The following KIAA0513 variants were observed in gnomAD, a reference collection of about 807,000 sequenced individuals.
The protein encoded by KIAA0513 is KIAA0513.
Under a neutral mutation model 56.5 loss-of-function variants are expected in KIAA0513, and 39 were observed. The observed-to-expected ratio is 0.69, with a 90% CI of 0.53 to 0.90. The LOEUF is 0.90. Among genes scored for constraint, KIAA0513 ranks in the 40% least tolerant of loss-of-function variants. KIAA0513 has a pLI of 0.00. For synonymous variants in KIAA0513, 268 were observed against 215.6 expected (o/e 1.24, Z -2.13); for missense variants, 591 against 535.2 (o/e 1.10, Z -1.03).
intron 1 of KIAA0513, among the ~76,000 whole-genome samples, chr16:85,044,123 A>G (rs980308738): frequency 1.4e-4 from 21 of 152,220 alleles, no homozygotes; most frequent in Admixed American, 7.9e-4. Flanking sequence ...AAACCTCAAT[A>G]GGACAGAAAG....
chr16:85,068,700 C>T (rs2073527069), intron 2 of KIAA0513, among the ~76,000 whole-genome samples: 1 of 152,194 alleles, frequency 6.6e-6, no homozygotes, highest in South Asian at 2.1e-4. Context: ...CTCCTGACTT[C>T]AGGTGATCCG....
intron 1 of KIAA0513, among the ~76,000 whole-genome samples, chr16:85,048,397 G>C (rs1597601792): frequency 6.6e-6 from 1 of 152,216 alleles, no homozygotes; most frequent in Non-Finnish European, 1.5e-5. Context: ...GATATCAAGT[G>C]TCTGTATCCA....
intron 2 of KIAA0513, among the ~76,000 whole-genome samples, chr16:85,070,001 CAA>C (rs111746946): frequency 2.8e-5 from 4 of 143,228 alleles, no homozygotes; most frequent in Admixed American, 1.4e-4. Context: ...CCCCTCTCTA[CAA>C]AAAAAAAAAC....
chr16:85,041,296 C>T (rs566178486), intron 1 of KIAA0513, among the ~76,000 whole-genome samples: 1 of 152,112 alleles, frequency 6.6e-6, no homozygotes, highest in Admixed American at 6.5e-5. Context: ...TTCCTCTGTC[C>T]GGAATATCTT....
At chr16:85,031,958 A>G (rs776665216) in intron 1 of KIAA0513, among the ~76,000 whole-genome samples, 36 of 152,344 alleles carry the variant, frequency 2.4e-4, no homozygotes, top group Non-Finnish European at 4.7e-4. Flanking sequence ...GGCACTAGAC[A>G]GACAGTAATG....
In KIAA0513 at chr16:85,067,367, T is replaced by C; in HGVS notation, c.296T>C (p.Met99Thr). ...GAGACCCTGGCACTCAGGGACTTCA[T>C]GCGTGGCTACGTGGAGAAGATCTTC... ...DEETLALRDF[M>T]RGYVEKIFSG... Residue 99 changes from methionine (M) to threonine (T), a missense_variant, in exon 2 of 13, where the codon ATG (methionine) becomes ACG (threonine). Physicochemically the swap from Met to Thr is moderately conservative, Grantham distance 81. Coordinates refer to ENST00000683363, the MANE Select transcript of KIAA0513 (RefSeq NM_001388359.1). The C allele has an allele frequency of 1.2e-6, 2 of 1,607,152 alleles. No homozygotes were observed. The highest frequency in any genetic ancestry group is 1.7e-6 in the Non-Finnish European group (2 of 1,179,910).
At chr16:85,038,039 C>T (rs533779962) in intron 1 of KIAA0513, among the ~76,000 whole-genome samples, 5 of 152,330 alleles carry the variant, frequency 3.3e-5, no homozygotes, top group Admixed American at 3.3e-4. Flanking sequence ...CCTCTAGTTG[C>T]TCCTGGGATG....
chr16:85,040,699 T>C (rs993956740), intron 1 of KIAA0513, among the ~76,000 whole-genome samples: 1 of 152,182 alleles, frequency 6.6e-6, no homozygotes, highest in Non-Finnish European at 1.5e-5. Flanking sequence ...CTCCCCAAGC[T>C]ATCATTGCTT....
At chr16:85,062,528 C>T (rs1190158745) in intron 1 of KIAA0513, among the ~76,000 whole-genome samples, 3 of 152,232 alleles carry the variant, frequency 2.0e-5, no homozygotes, top group Admixed American at 1.3e-4. Context: ...GCCAAAAACA[C>T]GGTTTCTCAG....
intron 1 of KIAA0513, among the ~76,000 whole-genome samples, chr16:85,061,309 C>G (rs938357556): frequency 6.6e-6 from 1 of 152,174 alleles, no homozygotes; most frequent in Non-Finnish European, 1.5e-5. Flanking sequence ...CTAGAAATGC[C>G]TCCTCAAGCA....
intron 1 of KIAA0513, among the ~76,000 whole-genome samples, chr16:85,042,690 A>C (rs1056346120): frequency 6.6e-6 from 1 of 152,252 alleles, no homozygotes; most frequent in South Asian, 2.1e-4. Flanking sequence ...TATCATTATC[A>C]AAAAGTAGTA....
At chr16:85,063,849 G>T (rs1397139487) in intron 1 of KIAA0513, among the ~76,000 whole-genome samples, 5 of 151,860 alleles carry the variant, frequency 3.3e-5, no homozygotes, top group Non-Finnish European at 1.5e-5. Context: ...CTCTGAACAG[G>T]GGGTGGCAAG....
At position 85,067,197 on chromosome 16, in the gene KIAA0513, A is replaced by C. The variant is rs749163972; in HGVS notation, c.126A>C (p.Ala42=). The C allele has an allele frequency of 4.3e-6, 7 of 1,614,056 alleles. No individual in the cohort carries two copies. Among genetic ancestry groups the C allele is most frequent in the Middle Eastern group, 3.3e-4 (2 of 6,084 alleles). ...GCGATGGCTCCCTGGGGGACGGTGC[A>C]TCAGAGAGTGAGACCACTGAGTCTG... ...QDGDGSLGDG[A]SESETTESAD... The change falls in exon 2 of 13, where the codon GCA becomes GCC. Residue 42 remains alanine (A), a synonymous_variant. Transcript: ENST00000683363.
intron 6 of KIAA0513, 34 bp downstream of exon 6, chr16:85,077,666 G>T (rs1441888241): frequency 6.6e-7 from 1 of 1,513,340 alleles, no homozygotes. Flanking sequence ...CCCACCTGCA[G>T]GGGACTGGGG....
chr16:85,069,325 C>G (rs2073537486), intron 2 of KIAA0513, among the ~76,000 whole-genome samples: 1 of 151,984 alleles, frequency 6.6e-6, no homozygotes, highest in Non-Finnish European at 1.5e-5. Flanking sequence ...GTCCTCCTGC[C>G]ACGACTCCCC....
In KIAA0513 at chr16:85,064,292, C is replaced by T. The variant is rs368268960; in HGVS notation, c.-172-2608C>T. Among the ~76,000 whole-genome samples the T allele has an allele frequency of 8.5e-5, 13 of 152,256 alleles. No individual in the cohort carries two copies. In the South Asian group the frequency reaches 1.2e-3, roughly 15 times the overall value. ...AAGTGTTGGGATTACGGGAGTGAGCCACCGTGCCTGGCCCGTTTTACTATA... is the reference window on the plus strand; with the variant it reads ...AAGTGTTGGGATTACGGGAGTGAGCTACCGTGCCTGGCCCGTTTTACTATA... On this transcript the variant is annotated intron_variant, in intron 1 of 12. Coordinates refer to ENST00000683363, the MANE Select transcript of KIAA0513 (RefSeq NM_001388359.1).
chr16:85,075,336 C>A (rs866961148), intron 4 of KIAA0513, among the ~76,000 whole-genome samples: 1 of 152,162 alleles, frequency 6.6e-6, no homozygotes, highest in African/African-American at 2.4e-5. Context: ...AAGAAACCTA[C>A]AAGGCAAAGG....
At chr16:85,057,136 T>C (rs1483961526) in intron 1 of KIAA0513, among the ~76,000 whole-genome samples, 1 of 152,204 alleles carries the variant, frequency 6.6e-6, no homozygotes, top group Non-Finnish European at 1.5e-5. Flanking sequence ...GTCAGCTGAA[T>C]TGTTGAATGG....
chr16:85,090,238 C>G lies in KIAA0513; in HGVS notation c.*1913C>G, dbSNP rs2073854442. The G allele has an allele frequency of 6.6e-6, 1 of 152,264 alleles. No individual in the cohort carries two copies. The highest frequency in any genetic ancestry group is 2.1e-4 in the South Asian group (1 of 4,830). 9.4% of individuals were successfully genotyped at this position (152,264 alleles called of 1,614,324 possible). On this transcript the variant is annotated 3_prime_UTR_variant, in exon 13 of 13. Transcript: ENST00000683363. ...GTCCAGCCACGGCTCCAGGGCACTG[C>G]TCTCCTCCTTGCACCGGTGAAACTC...
Sources: gnomAD v4.1 joint callset for allele counts (sites outside exome capture counted in the v4.1 genomes callset) on GRCh38, gnomAD v4.1.1 for gene constraint, MANE v1.5 for transcripts, NCBI Gene and HGNC (gene_info 2026-07-23, HGNC 2026-07-21) for gene names.